DOK5: variants seen among roughly 807,000 people sequenced by gnomAD.
DOK5 encodes downstream of tyrosine kinase 5.
DOK5 carries 27 observed loss-of-function variants against 43.3 expected under a neutral mutation model. The ratio of observed to expected loss-of-function variants is 0.62; its 90% confidence interval spans 0.46 to 0.86. The LOEUF is 0.86. Ranked by LOEUF, DOK5 falls within the 40% of genes least tolerant of loss-of-function variation. DOK5 has a pLI of 0.00. For missense variants in DOK5, 373 were observed against 392.9 expected, an observed-to-expected ratio of 0.95 and a Z score of 0.43; for synonymous variants, 146 against 140.1, an observed-to-expected ratio of 1.04 and a Z score of -0.30.
intron 1 of DOK5, among the ~76,000 whole-genome samples, chr20:54,537,831 CTTTTTTTTT>C (rs927019328): frequency 2.2e-5 from 2 of 89,536 alleles, no homozygotes; most frequent in East Asian, 3.4e-4. Flanking sequence ...TGTACAAGTT[CTTTTTTTTT>C]TTTTTTTTTT....
At chr20:54,607,713 C>T (rs4811510) in intron 5 of DOK5, among the ~76,000 whole-genome samples, 51,776 of 151,492 alleles carry the variant, frequency 0.34, 13,645 homozygotes, top group African/African-American at 0.73. Context: ...TGAAACCCCA[C>T]CTCTACTAAA....
chr20:54,628,880 A>G (rs994003343), intron 6 of DOK5, among the ~76,000 whole-genome samples: 1 of 152,198 alleles, frequency 6.6e-6, no homozygotes, highest in Non-Finnish European at 1.5e-5. Context: ...GCACAAGCAC[A>G]TTTTTTATTT....
At chr20:54,595,759 A>T (rs1986121853) in intron 5 of DOK5, among the ~76,000 whole-genome samples, 1 of 152,196 alleles carries the variant, frequency 6.6e-6, no homozygotes, top group Non-Finnish European at 1.5e-5. Flanking sequence ...CAGAAAGGAA[A>T]GTGTGGGAGT....
At chr20:54,610,350 C>T in intron 5 of DOK5, 38 bp from the exon 6 acceptor site, 1 of 1,467,736 alleles carries the variant, frequency 6.8e-7, no homozygotes, top group Non-Finnish European at 9.1e-7. Flanking sequence ...CTTCTAGGCG[C>T]TGGATTTTCA....
chr20:54,516,328 T>C (rs929305632), intron 1 of DOK5, among the ~76,000 whole-genome samples: 2 of 152,092 alleles, frequency 1.3e-5, no homozygotes, highest in Non-Finnish European at 2.9e-5. Context: ...TAATTCAGTC[T>C]AAAAAAAACT....
chr20:54,638,418 G>A (rs1978943238), intron 6 of DOK5, among the ~76,000 whole-genome samples: 1 of 152,172 alleles, frequency 6.6e-6, no homozygotes, highest in South Asian at 2.1e-4. Flanking sequence ...GCTGAATGGT[G>A]TGGTTTAGGC....
At chr20:54,576,077 A>G (rs1600712616) in intron 2 of DOK5, among the ~76,000 whole-genome samples, 1 of 152,340 alleles carries the variant, frequency 6.6e-6, no homozygotes. Context: ...AAAATGAAGC[A>G]TGAAAAGAAT....
chr20:54,633,158 T>C (rs1294036459), intron 6 of DOK5, among the ~76,000 whole-genome samples: 1 of 152,204 alleles, frequency 6.6e-6, no homozygotes, highest in Non-Finnish European at 1.5e-5. Context: ...GCCAGGAATC[T>C]GCATTTGAAC....
intron 2 of DOK5, among the ~76,000 whole-genome samples, chr20:54,585,537 C>T (rs1236675827): frequency 1.3e-5 from 2 of 152,120 alleles, no homozygotes; most frequent in African/African-American, 2.4e-5. Context: ...AGTTGGCACA[C>T]GTGCTCTACC....
chr20:54,587,010 GA>G (rs148688264), intron 2 of DOK5, among the ~76,000 whole-genome samples: 25 of 150,854 alleles, frequency 1.7e-4, no homozygotes, highest in Non-Finnish European at 3.1e-4. Context: ...CTTATGTTTT[GA>G]AAAAAAAATC....
intron 2 of DOK5, among the ~76,000 whole-genome samples, chr20:54,570,687 C>A (rs1985255529): frequency 6.6e-6 from 1 of 151,762 alleles, no homozygotes; most frequent in South Asian, 2.1e-4. Context: ...ATGTCAGAAA[C>A]ATAGTTGATA....
At chr20:54,508,282 T>C (rs555567184) in intron 1 of DOK5, among the ~76,000 whole-genome samples, 1 of 152,186 alleles carries the variant, frequency 6.6e-6, no homozygotes, top group East Asian at 1.9e-4. Context: ...ATTATTTTAC[T>C]ACAATTTTTC....
At chr20:54,552,414 G>A (rs181272536) in intron 1 of DOK5, among the ~76,000 whole-genome samples, 4 of 151,788 alleles carry the variant, frequency 2.6e-5, no homozygotes, top group East Asian at 3.9e-4. Flanking sequence ...TATTATAGAT[G>A]TAGTATAATT....
intron 1 of DOK5, among the ~76,000 whole-genome samples, chr20:54,528,042 A>G (rs1463807978): frequency 2.6e-5 from 4 of 152,088 alleles, no homozygotes; most frequent in Admixed American, 2.6e-4. Context: ...CCCTGTCTCT[A>G]CCAAAAATAC....
At chr20:54,550,526 T>C (rs1034007348) in intron 1 of DOK5, among the ~76,000 whole-genome samples, 2 of 152,210 alleles carry the variant, frequency 1.3e-5, no homozygotes, top group African/African-American at 4.8e-5. Flanking sequence ...TCCACATCCC[T>C]GGGCTCCCTC....
At chr20:54,613,338 A>G (rs1424426870) in intron 6 of DOK5, among the ~76,000 whole-genome samples, 1 of 152,178 alleles carries the variant, frequency 6.6e-6, no homozygotes, top group Non-Finnish European at 1.5e-5. Context: ...ATATAATTTA[A>G]TAGATTTTAG....
intron 6 of DOK5, among the ~76,000 whole-genome samples, chr20:54,626,444 C>T (rs2034484468): frequency 6.6e-6 from 1 of 152,110 alleles, no homozygotes; most frequent in Non-Finnish European, 1.5e-5. Context: ...GTTTTTGAAT[C>T]TTATTTATTT....
intron 2 of DOK5, among the ~76,000 whole-genome samples, chr20:54,583,999 A>G (rs1052210731): frequency 6.6e-6 from 1 of 151,844 alleles, no homozygotes; most frequent in African/African-American, 2.4e-5. Flanking sequence ...AAAAAAAAAA[A>G]ATTAGTCGAG....
intron 2 of DOK5, among the ~76,000 whole-genome samples, chr20:54,569,186 C>T (rs1985203322): frequency 6.6e-6 from 1 of 152,084 alleles, no homozygotes; most frequent in Non-Finnish European, 1.5e-5. Context: ...TTAAGCAGTT[C>T]ATAAATTCAG....
Sources: gnomAD v4.1 joint callset for allele counts (sites outside exome capture counted in the v4.1 genomes callset) on GRCh38, gnomAD v4.1.1 for gene constraint, MANE v1.5 for transcripts, NCBI Gene and HGNC (gene_info 2026-07-23, HGNC 2026-07-21) for gene names.